Variants in MYO18B observed in about 807,000 individuals in gnomAD.
The protein encoded by MYO18B is unconventional myosin-XVIIIb.
MYO18B carries 204 observed loss-of-function variants against 273.0 expected under a neutral mutation model. The observed-to-expected ratio is 0.75, with a 90% CI of 0.67 to 0.84. MYO18B has a LOEUF of 0.84. Ranked by LOEUF, MYO18B falls within the 40% of genes least tolerant of loss-of-function variation. The pLI, the probability that MYO18B is intolerant of heterozygous loss-of-function variation, is 0.00. For synonymous variants in MYO18B, 1,330 were observed against 1,305.7 expected (o/e 1.02, Z -0.40); for missense variants, 3,212 against 3,287.6 (o/e 0.98, Z 0.56).
At chr22:26,059,502 G>A in the MYO18B span, among the ~76,000 whole-genome samples, 3 of 152,178 alleles carry the variant, frequency 2.0e-5, no homozygotes, top group African/African-American at 7.2e-5. Context: ...TTCTATGTCA[G>A]GAATGTGTCA....
At chr22:25,947,373 A>T (rs921641973) in intron 35 of MYO18B, among the ~76,000 whole-genome samples, 1 of 151,908 alleles carries the variant, frequency 6.6e-6, no homozygotes, top group African/African-American at 2.4e-5. Flanking sequence ...TTGCATTTTC[A>T]TATATGTACT....
intron 39 of MYO18B, among the ~76,000 whole-genome samples, chr22:25,982,413 C>G (rs1285523325): frequency 6.6e-6 from 1 of 152,198 alleles, no homozygotes; most frequent in Non-Finnish European, 1.5e-5. Flanking sequence ...TGTCTTCATT[C>G]CCTACTGCTG....
chr22:25,927,481 G>A (rs1434479776), intron 34 of MYO18B, among the ~76,000 whole-genome samples: 3 of 152,064 alleles, frequency 2.0e-5, no homozygotes, highest in South Asian at 2.1e-4. Flanking sequence ...TGGTCAGACC[G>A]GTTGATCTCA....
At chr22:26,049,601 A>G in the MYO18B span, among the ~76,000 whole-genome samples, 46 of 152,378 alleles carry the variant, frequency 3.0e-4, no homozygotes, top group Admixed American at 2.9e-3. Flanking sequence ...TAAAGGTTTC[A>G]TAAGTACAGA....
At chr22:25,925,896 C>T (rs2092413725) in intron 34 of MYO18B, among the ~76,000 whole-genome samples, 1 of 98,438 alleles carries the variant, frequency 1.0e-5, no homozygotes, top group Admixed American at 1.3e-4. Flanking sequence ...CAGAGCAAGA[C>T]TCTGTCAAAA....
At chr22:25,772,739 T>C (rs565569192) in intron 7 of MYO18B, among the ~76,000 whole-genome samples, 1 of 152,346 alleles carries the variant, frequency 6.6e-6, no homozygotes, top group East Asian at 1.9e-4. Context: ...CAGCATTAAA[T>C]ATCACAAGAG....
chr22:25,818,672 A>G (rs2089147226), intron 12 of MYO18B, among the ~76,000 whole-genome samples: 1 of 152,208 alleles, frequency 6.6e-6, no homozygotes, highest in South Asian at 2.1e-4. Context: ...GTGAATAGAC[A>G]AGAACCTGCA....
In MYO18B at chr22:25,769,008, G is replaced by A. The variant is rs1158783187; in HGVS notation, c.1092G>A (p.Glu364=). 3 of 1,611,166 alleles carry A rather than the reference G, an allele frequency of 1.9e-6. No individual in the cohort carries two copies. The highest frequency in any genetic ancestry group is 2.5e-6 in the Non-Finnish European group (3 of 1,178,710). The stretch of plus-strand genomic sequence containing the variant: ...AGAAGACAAGCCAAGTGCAGGGCGA[G>A]TTGGGGGACGATCTGAGAATGGGGG... ...QMEKTSQVQG[E]LGDDLRMGEK... is the part of the protein sequence containing the mutation. The change falls in exon 4 of 44, where the codon GAG becomes GAA. Residue 364 remains glutamate, a synonymous_variant. Coordinates refer to ENST00000335473, the MANE Select transcript of MYO18B (RefSeq NM_032608.7).
At position 25,891,324 on chromosome 22, in the gene MYO18B, G is replaced by A; in HGVS notation, c.4455G>A (p.Gln1485=). The change falls in exon 27 of 44, where the codon CAG becomes CAA. Residue 1485 remains glutamine (Q), a synonymous_variant. Transcript: ENST00000335473. Reference sequence around the variant, plus strand: ...TCTAGAGCAAGCATGAACAAGTCCAGAAAAAACTGGGAGATGTGAATAAAC... The same window carrying A: ...TCTAGAGCAAGCATGAACAAGTCCAAAAAAAACTGGGAGATGTGAATAAAC... ...QELKSKHEQV[Q]KKLGDVNKQL... is the part of the protein sequence containing the mutation. The A allele has an allele frequency of 6.3e-7, 1 of 1,575,994 alleles. No homozygotes were observed. The highest frequency in any genetic ancestry group is 8.6e-7 in the Non-Finnish European group (1 of 1,160,452).
intron 21 of MYO18B, among the ~76,000 whole-genome samples, chr22:25,860,685 ATATGT>A (rs1439791654): frequency 2.6e-5 from 4 of 152,134 alleles, no homozygotes; most frequent in African/African-American, 9.7e-5. Context: ...GTTTGAGAAC[ATATGT>A]TATATGATTT....
chr22:25,956,524 C>G (rs1174347395), intron 39 of MYO18B, among the ~76,000 whole-genome samples: 1 of 152,182 alleles, frequency 6.6e-6, no homozygotes, highest in African/African-American at 2.4e-5. Context: ...CCCCAAGGAA[C>G]ATTTTAAAAT....
At chr22:25,955,107 T>C (rs1388562586) in intron 38 of MYO18B, 72 bp from the exon 39 acceptor site, 8 of 1,420,764 alleles carry the variant, frequency 5.6e-6, no homozygotes, top group Non-Finnish European at 7.5e-6. Flanking sequence ...AGGATTTATC[T>C]TCCTGAGGCT....
In MYO18B at chr22:26,027,252, G is replaced by T. The variant is rs1057520138; in HGVS notation, c.7278G>T (p.Trp2426Cys). The T allele has an allele frequency of 2.5e-6, 4 of 1,613,860 alleles. No homozygotes were observed. The highest frequency in any genetic ancestry group is 3.4e-6 in the Non-Finnish European group (4 of 1,179,908). ...CTCTAGGCAGTGACCCATTCAGCTGGAAACTCCCAAGCCTCGACTACGAAC... is the reference window on the plus strand; with the variant it reads ...CTCTAGGCAGTGACCCATTCAGCTGTAAACTCCCAAGCCTCGACTACGAAC... ...EEPLGSDPFS[W>C]KLPSLDYERK... The change falls in exon 43 of 44, where the codon TGG becomes TGT. Residue 2426 changes from tryptophan (W) to cysteine (C), a missense_variant. Coordinates refer to ENST00000335473, the MANE Select transcript of MYO18B (RefSeq NM_032608.7). This position sits in a 1 kb window ranked among gnomAD's most constrained non-coding sequence, Gnocchi z 4.1.
intron 13 of MYO18B, among the ~76,000 whole-genome samples, chr22:25,824,054 C>G (rs1051691141): frequency 5.5e-4 from 84 of 152,066 alleles, no homozygotes; most frequent in African/African-American, 1.9e-3. Flanking sequence ...GTGGCTGCTG[C>G]GAGGTGGAGG....
In MYO18B at chr22:25,835,386, A is replaced by G. The variant is rs1392107561; in HGVS notation, c.3151A>G (p.Ser1051Gly). ...EEVHVEGSSD[S>G]VVLERLCAAF... is the part of the protein sequence containing the mutation. ...AGTCCATGTAGAGGGCTCCAGTGAC[A>G]GTGTGGTGCTCGAGCGTCTGTGTGC... Residue 1051 changes from serine to glycine, a missense_variant, in exon 17 of 44, where the codon AGT becomes GGT. Transcript: ENST00000335473. 9 of 1,613,978 alleles carry G rather than the reference A, an allele frequency of 5.6e-6. No individual in the cohort carries two copies. Among genetic ancestry groups the G allele is most frequent in the South Asian group, 1.1e-5 (1 of 91,078 alleles).
intron 18 of MYO18B, among the ~76,000 whole-genome samples, chr22:25,845,764 T>C (rs2090222492): frequency 6.6e-6 from 1 of 152,218 alleles, no homozygotes; most frequent in Non-Finnish European, 1.5e-5. Flanking sequence ...GAGAGGACTT[T>C]GACCTCTAAG....
At chr22:25,934,792 G>A (rs1601615113) in intron 34 of MYO18B, among the ~76,000 whole-genome samples, 1 of 152,132 alleles carries the variant, frequency 6.6e-6, no homozygotes, top group East Asian at 1.9e-4. Flanking sequence ...GTGAGCAGAG[G>A]GATGACTTTG....
intron 11 of MYO18B, among the ~76,000 whole-genome samples, chr22:25,788,864 A>C (rs1029943932): frequency 2.0e-5 from 3 of 152,178 alleles, no homozygotes; most frequent in African/African-American, 7.2e-5. Context: ...ACCAGCGGTT[A>C]AGCTGGGTGG....
chr22:25,746,104 A>G (rs1253103653), intron 1 of MYO18B, among the ~76,000 whole-genome samples: 9 of 152,236 alleles, frequency 5.9e-5, no homozygotes, highest in Non-Finnish European at 1.0e-4. Context: ...CGTTGAGATA[A>G]TAAATTGTGT....
Sources: allele counts gnomAD v4.1 joint callset (sites outside exome capture counted in the v4.1 genomes callset), GRCh38; gene constraint gnomAD v4.1.1; non-coding constraint Gnocchi (gnomAD v3.1); transcripts MANE v1.5; gene names NCBI Gene and HGNC (gene_info 2026-07-23, HGNC 2026-07-21).